Variants in DLG2 observed in about 807,000 individuals in gnomAD.
The protein encoded by DLG2 is discs large MAGUK scaffold protein 2, also known as disks large homolog 2.
In DLG2, 45 loss-of-function variants were observed where a neutral mutation model predicts 132.5. The ratio of observed to expected loss-of-function variants is 0.34; its 90% CI spans 0.27 to 0.44. The LOEUF is 0.44. Ranked by LOEUF, DLG2 falls within the 20% of genes least tolerant of loss-of-function variation. The probability of loss-of-function intolerance (pLI) is 1.00; values close to 1 mark genes in which losing one functional copy is unlikely to be tolerated. For missense variants in DLG2, 1,045 were observed against 1,196.9 expected (o/e 0.87, Z 1.87); for synonymous variants, 424 against 419.6 (o/e 1.01, Z -0.13).
At chr11:84,341,388 G>T (rs2098513941) in intron 7 of DLG2, among the ~76,000 whole-genome samples, 1 of 152,142 alleles carries the variant, frequency 6.6e-6, no homozygotes, top group Admixed American at 6.5e-5. Flanking sequence ...CAAGGTAATA[G>T]ACTGAAATAA....
At chr11:85,277,075 G>A (rs2077936395) in intron 4 of DLG2, among the ~76,000 whole-genome samples, 1 of 152,096 alleles carries the variant, frequency 6.6e-6, no homozygotes, top group Non-Finnish European at 1.5e-5. Context: ...CCAGGCAGAG[G>A]AATGAACAAG....
intron 21 of DLG2, chr11:83,486,204 C>T (rs1211507251): frequency 2.6e-5 from 18 of 689,188 alleles, no homozygotes; most frequent in Admixed American, 4.3e-5. Context: ...TTGCATCACT[C>T]CAGTTTCATG....
At chr11:83,985,062 C>A (rs557495145) in intron 11 of DLG2, among the ~76,000 whole-genome samples, 29 of 152,186 alleles carry the variant, frequency 1.9e-4, no homozygotes, top group African/African-American at 6.0e-4. Flanking sequence ...ATAATGCAAG[C>A]AATTTTTGGA....
chr11:84,647,412 C>T (rs1382369845), intron 6 of DLG2, among the ~76,000 whole-genome samples: 1 of 152,048 alleles, frequency 6.6e-6, no homozygotes, highest in African/African-American at 2.4e-5. Flanking sequence ...ATATAAACAA[C>T]AAAGGCAAGC....
intron 3 of DLG2, among the ~76,000 whole-genome samples, chr11:85,316,685 C>G (rs1285968342): frequency 6.6e-6 from 1 of 151,788 alleles, no homozygotes; most frequent in African/African-American, 2.4e-5. Flanking sequence ...AAACTCAACC[C>G]TATCTGTATA....
chr11:85,398,224 A>C (rs943198654), intron 3 of DLG2, among the ~76,000 whole-genome samples: 1 of 152,198 alleles, frequency 6.6e-6, no homozygotes, highest in East Asian at 1.9e-4. Flanking sequence ...TGGTCTTTGA[A>C]ACCAATGAGA....
At position 83,804,497 on chromosome 11, in the gene DLG2, T is replaced by C. The variant is rs949741174; in HGVS notation, c.1723-17705A>G. Among the ~76,000 whole-genome samples, 11 of 151,212 alleles carry C rather than the reference T, an allele frequency of 7.3e-5. No homozygotes were observed. In the South Asian group the frequency reaches 8.4e-4, roughly 12 times the overall value. ...ATAAAAACTCATAAAGATTCAACAGTTCTTAACATTTTGGTACATTTGTTC... is the reference window on the plus strand; with the variant it reads ...ATAAAAACTCATAAAGATTCAACAGCTCTTAACATTTTGGTACATTTGTTC... On this transcript the variant is annotated intron_variant, in intron 17 of 27. Coordinates refer to ENST00000376104, the MANE Select transcript of DLG2 (RefSeq NM_001142699.3).
chr11:83,527,068 G>C (rs1003469110), intron 21 of DLG2, among the ~76,000 whole-genome samples: 3 of 152,074 alleles, frequency 2.0e-5, no homozygotes, highest in African/African-American at 7.2e-5. Context: ...AGCAAGACTT[G>C]TTCCCTCATT....
intron 9 of DLG2, among the ~76,000 whole-genome samples, chr11:84,103,552 G>C (rs2092692484): frequency 6.6e-6 from 1 of 152,068 alleles, no homozygotes; most frequent in African/African-American, 2.4e-5. Flanking sequence ...CTTGCAGTTG[G>C]GAAGATTCCA....
In DLG2 at chr11:85,111,614, A is replaced by G. The variant is rs540169765; in HGVS notation, c.357+47T>C. ...TCCACTAAGATTATTCCAAAATATAAAAACATTTATCCTTCAATCTGCTAA... is the reference window on the plus strand; with the variant it reads ...TCCACTAAGATTATTCCAAAATATAGAAACATTTATCCTTCAATCTGCTAA... On this transcript the variant is annotated intron_variant, in intron 6 of 27. Transcript: ENST00000376104. 3.8e-5 allele frequency: 55 copies of G among 1,453,214 alleles called. No homozygotes were observed. The African/African-American group carries it at 7.3e-4, about 19-fold the overall frequency. 90.0% of individuals were successfully genotyped at this position (1,453,214 alleles called of 1,614,324 possible).
intron 8 of DLG2, among the ~76,000 whole-genome samples, chr11:84,220,828 C>T (rs1334116223): frequency 1.0e-4 from 9 of 85,828 alleles, no homozygotes; most frequent in African/African-American, 4.1e-4. Context: ...GTTACCCAGG[C>T]TGAAATTCAG....
At chr11:85,238,219 T>G (rs1487173526) in intron 4 of DLG2, among the ~76,000 whole-genome samples, 4 of 138,612 alleles carry the variant, frequency 2.9e-5, no homozygotes, top group African/African-American at 8.3e-5. Flanking sequence ...ATTTATTTAT[T>G]TATTTATTTA....
intron 18 of DLG2, chr11:83,692,984 T>C (rs2081245763): frequency 6.6e-6 from 1 of 152,180 alleles, no homozygotes; most frequent in Non-Finnish European, 1.5e-5. Flanking sequence ...GAAGGAGCCA[T>C]AGTGTGGAAA....
chr11:83,798,931 G>A (rs1476485020), intron 17 of DLG2, among the ~76,000 whole-genome samples: 1 of 152,200 alleles, frequency 6.6e-6, no homozygotes, highest in Non-Finnish European at 1.5e-5. Flanking sequence ...CAGCTAAGGA[G>A]CTGCTCTGAA....
intron 22 of DLG2, among the ~76,000 whole-genome samples, chr11:83,481,212 A>C (rs1487519743): frequency 6.6e-6 from 1 of 152,066 alleles, no homozygotes; most frequent in Non-Finnish European, 1.5e-5. Context: ...CAATACTCCA[A>C]ATTGTTTTTT....
chr11:84,173,512 T>G (rs923110534), intron 8 of DLG2, among the ~76,000 whole-genome samples: 2 of 152,144 alleles, frequency 1.3e-5, no homozygotes, highest in African/African-American at 4.8e-5. Flanking sequence ...TCAAAGCACA[T>G]AGCCAAAATA....
chr11:83,646,494 G>T (rs1591629782), intron 18 of DLG2: 2 of 152,096 alleles, frequency 1.3e-5, no homozygotes, highest in Admixed American at 1.3e-4. Context: ...CTCCCCTTAG[G>T]GCTTTTTGTA....
chr11:85,482,120 T>G (rs1028435380), intron 3 of DLG2, among the ~76,000 whole-genome samples: 1 of 151,092 alleles, frequency 6.6e-6, no homozygotes, highest in Admixed American at 6.6e-5. Context: ...AGACCACCCC[T>G]AGCACCAAGC....
At chr11:83,463,256 G>GA (rs34949228) in intron 26 of DLG2, among the ~76,000 whole-genome samples, 44,325 of 144,256 alleles carry the variant, frequency 0.31, 6,790 homozygotes, top group African/African-American at 0.39. Flanking sequence ...AGGCTATTTG[G>GA]AAAAAAAAAA....
Sources: allele counts gnomAD v4.1 joint callset (sites outside exome capture counted in the v4.1 genomes callset), GRCh38; gene constraint gnomAD v4.1.1; transcripts MANE v1.5; gene names NCBI Gene and HGNC (gene_info 2026-07-23, HGNC 2026-07-21).